L3MBTL4: variants seen among roughly 807,000 people sequenced by gnomAD.
L3MBTL4 encodes L3MBTL histone methyl-lysine binding protein 4.
A neutral mutation model predicts 84.5 loss-of-function variants in L3MBTL4; 70 were observed. That is an observed-to-expected ratio of 0.83 (90% confidence interval 0.68 to 1.01). The LOEUF is 1.01. L3MBTL4 is among the 50% of genes least tolerant of loss of function. The pLI, the probability that L3MBTL4 is intolerant of heterozygous loss-of-function variation, is 0.00. For missense variants in L3MBTL4, 715 were observed against 754.8 expected (o/e 0.95, Z 0.62); for synonymous variants, 274 against 259.8 (o/e 1.05, Z -0.52).
At chr18:6,081,970 T>C (rs1209749236) in intron 15 of L3MBTL4, among the ~76,000 whole-genome samples, 1 of 152,206 alleles carries the variant, frequency 6.6e-6, no homozygotes, top group Non-Finnish European at 1.5e-5. Context: ...ACAAGGCTAC[T>C]GTGGAGCATA....
intron 14 of L3MBTL4, among the ~76,000 whole-genome samples, chr18:6,121,587 C>G (rs979170917): frequency 2.6e-5 from 4 of 152,094 alleles, no homozygotes. Context: ...TTACAAGGAG[C>G]ACTTTCACAG....
intron 1 of L3MBTL4, among the ~76,000 whole-genome samples, chr18:6,401,746 C>A (rs548085085): frequency 6.6e-6 from 1 of 152,366 alleles, no homozygotes; most frequent in East Asian, 1.9e-4. Flanking sequence ...AGCATCCCCA[C>A]ATACTGTGTG....
At chr18:6,008,778 T>C (rs1349782092) in intron 16 of L3MBTL4, among the ~76,000 whole-genome samples, 1 of 152,192 alleles carries the variant, frequency 6.6e-6, no homozygotes, top group Non-Finnish European at 1.5e-5. Context: ...TACTGTTTAT[T>C]ACAATGTGGC....
intron 12 of L3MBTL4, among the ~76,000 whole-genome samples, chr18:6,211,335 C>T (rs1182300794): frequency 6.6e-6 from 1 of 152,182 alleles, no homozygotes; most frequent in Non-Finnish European, 1.5e-5. Flanking sequence ...CCTTAATTCA[C>T]TCATGCATAC....
intron 16 of L3MBTL4, chr18:6,031,127 T>C (rs2055779431): frequency 1.0e-6 from 1 of 985,338 alleles, no homozygotes; most frequent in South Asian, 4.7e-5. Flanking sequence ...CCACACGTGA[T>C]CCAAGTTCTA....
At chr18:6,178,726 C>A (rs545166000) in intron 12 of L3MBTL4, among the ~76,000 whole-genome samples, 2 of 152,158 alleles carry the variant, frequency 1.3e-5, no homozygotes, top group South Asian at 2.1e-4. Flanking sequence ...TATTAAAGAG[C>A]GGTAAGAAAT....
intron 4 of L3MBTL4, among the ~76,000 whole-genome samples, chr18:6,282,852 A>G (rs1476879825): frequency 6.6e-6 from 1 of 152,156 alleles, no homozygotes; most frequent in African/African-American, 2.4e-5. Context: ...GAAGACGAAA[A>G]TAAGTGGACA....
chr18:5,973,858 C>T (rs1010395120), intron 16 of L3MBTL4, among the ~76,000 whole-genome samples: 4 of 152,162 alleles, frequency 2.6e-5, no homozygotes, highest in Non-Finnish European at 4.4e-5. Flanking sequence ...ACCTCATTGC[C>T]GTCATGACTC....
At chr18:6,394,553 C>A (rs168180) in intron 1 of L3MBTL4, among the ~76,000 whole-genome samples, 78,311 of 151,672 alleles carry the variant, frequency 0.52, 20,237 homozygotes, top group East Asian at 0.59. Flanking sequence ...GCCTCTCCCC[C>A]ACCAGGACAC....
At chr18:6,293,490 T>C (rs2146726001) in intron 4 of L3MBTL4, among the ~76,000 whole-genome samples, 1 of 152,026 alleles carries the variant, frequency 6.6e-6, no homozygotes, top group East Asian at 1.9e-4. Context: ...TAAAATCCAC[T>C]GAATAAAATA....
At chr18:6,133,344 C>A (rs1251208220) in intron 14 of L3MBTL4, among the ~76,000 whole-genome samples, 2 of 151,902 alleles carry the variant, frequency 1.3e-5, no homozygotes, top group African/African-American at 4.8e-5. Flanking sequence ...CACACACACA[C>A]ACACACACAC....
intron 1 of L3MBTL4, among the ~76,000 whole-genome samples, chr18:6,350,150 A>C (rs887512583): frequency 6.6e-6 from 1 of 152,098 alleles, no homozygotes; most frequent in Non-Finnish European, 1.5e-5. Context: ...AAACTATAAA[A>C]CTCCTAGAAG....
chr18:6,248,729 A>T (rs1474438125), intron 5 of L3MBTL4, among the ~76,000 whole-genome samples: 1 of 152,110 alleles, frequency 6.6e-6, no homozygotes, highest in East Asian at 1.9e-4. Flanking sequence ...TGCATTACTA[A>T]TGTCTCTTGG....
chr18:6,206,738 G>A (rs565469730), intron 12 of L3MBTL4, among the ~76,000 whole-genome samples: 1 of 152,074 alleles, frequency 6.6e-6, no homozygotes, highest in Non-Finnish European at 1.5e-5. Context: ...TCAACTGATA[G>A]GAGAAAAAAA....
intron 1 of L3MBTL4, among the ~76,000 whole-genome samples, chr18:6,368,271 A>G (rs1265539065): frequency 6.6e-6 from 1 of 152,038 alleles, no homozygotes; most frequent in Non-Finnish European, 1.5e-5. Context: ...TGATGTCAAC[A>G]GCATAAAAAT....
chr18:5,982,995 A>C (rs1028964646), intron 16 of L3MBTL4, among the ~76,000 whole-genome samples: 19 of 152,196 alleles, frequency 1.2e-4, no homozygotes, highest in African/African-American at 4.6e-4. Context: ...AGGCTTCATC[A>C]CCTCAGCAGA....
intron 4 of L3MBTL4, among the ~76,000 whole-genome samples, chr18:6,270,484 G>A (rs1337440262): frequency 2.0e-5 from 3 of 152,126 alleles, no homozygotes; most frequent in Non-Finnish European, 4.4e-5. Flanking sequence ...TCAGTGTTTC[G>A]ACGAATAAAC....
At chr18:6,411,190 G>C (rs531376155) in intron 1 of L3MBTL4, among the ~76,000 whole-genome samples, 2 of 152,148 alleles carry the variant, frequency 1.3e-5, no homozygotes, top group East Asian at 1.9e-4. Flanking sequence ...TAATTTCATC[G>C]TTCTGCTTTA....
chr18:6,217,206 G>A (rs1376972902), intron 10 of L3MBTL4, among the ~76,000 whole-genome samples: 1 of 152,030 alleles, frequency 6.6e-6, no homozygotes, highest in Admixed American at 6.6e-5. Context: ...TAGCATACCA[G>A]CATAACCAGA....
Sources: allele counts gnomAD v4.1 joint callset (sites outside exome capture counted in the v4.1 genomes callset), GRCh38; gene constraint gnomAD v4.1.1; transcripts MANE v1.5; gene names NCBI Gene and HGNC (gene_info 2026-07-23, HGNC 2026-07-21).